The following GPC6 variants were observed in gnomAD, a reference collection of about 807,000 sequenced individuals.
GPC6 encodes glypican 6, also known as glypican-6.
Under a neutral mutation model 55.2 loss-of-function variants are expected in GPC6, and 14 were observed. The observed-to-expected ratio is 0.25, with a 90% confidence interval of 0.17 to 0.40. The LOEUF (loss-of-function observed/expected upper bound fraction) is 0.40. Ranked by LOEUF, GPC6 falls within the 10% of genes least tolerant of loss-of-function variation. The pLI, the probability that GPC6 is intolerant of heterozygous loss-of-function variation, is 1.00. For synonymous variants in GPC6, 278 were observed against 259.6 expected (o/e 1.07, Z -0.68); for missense variants, 641 against 708.5 (o/e 0.90, Z 1.08).
intron 4 of GPC6, among the ~76,000 whole-genome samples, chr13:94,109,409 A>G (rs1886163125): frequency 1.3e-5 from 2 of 151,794 alleles, no homozygotes; most frequent in Admixed American, 1.3e-4. Context: ...TCCTCACTAG[A>G]TGGTATATTT....
At chr13:94,016,781 A>G (rs1265778573) in intron 3 of GPC6, among the ~76,000 whole-genome samples, 1 of 151,596 alleles carries the variant, frequency 6.6e-6, no homozygotes, top group African/African-American at 2.4e-5. Flanking sequence ...GTAAAATTCT[A>G]TCATTTCTTA....
chr13:93,427,833 C>G (rs1877203404), intron 1 of GPC6, among the ~76,000 whole-genome samples: 1 of 152,106 alleles, frequency 6.6e-6, no homozygotes, highest in Non-Finnish European at 1.5e-5. Flanking sequence ...AGTGGAAATC[C>G]AGATCATGTT....
At chr13:93,398,237 T>G (rs9524047) in intron 1 of GPC6, among the ~76,000 whole-genome samples, 12 of 152,094 alleles carry the variant, frequency 7.9e-5, no homozygotes, top group Admixed American at 5.2e-4. Flanking sequence ...GTTCTTTTTA[T>G]GTTTAAAAAT....
chr13:93,707,421 T>C (rs973283937), intron 2 of GPC6, among the ~76,000 whole-genome samples: 1 of 151,804 alleles, frequency 6.6e-6, no homozygotes, highest in Non-Finnish European at 1.5e-5. Context: ...GTTATGGACT[T>C]AGTAGCATAT....
At chr13:93,510,624 A>G (rs1468654289) in intron 1 of GPC6, among the ~76,000 whole-genome samples, 2 of 152,018 alleles carry the variant, frequency 1.3e-5, no homozygotes, top group Non-Finnish European at 2.9e-5. Flanking sequence ...AAACATGCAA[A>G]TGCAGGTATC....
At chr13:93,225,758 C>A (rs1594038039), upstream of GPC6, among the ~76,000 whole-genome samples, 1 of 152,148 alleles carries the variant, frequency 6.6e-6, no homozygotes, top group African/African-American at 2.4e-5. Flanking sequence ...TCATTCATAT[C>A]ATCATCAGGA....
At chr13:93,254,751 C>A (rs1160383202) in intron 1 of GPC6, among the ~76,000 whole-genome samples, 2 of 151,744 alleles carry the variant, frequency 1.3e-5, no homozygotes, top group Non-Finnish European at 2.9e-5. Flanking sequence ...TGACAACAAG[C>A]AGAAAAATTC....
At chr13:93,703,629 A>G (rs991530967) in intron 2 of GPC6, among the ~76,000 whole-genome samples, 5 of 151,990 alleles carry the variant, frequency 3.3e-5, no homozygotes, top group Non-Finnish European at 7.4e-5. Context: ...AAAAGATTTT[A>G]GTCCACCCCC....
intron 1 of GPC6, among the ~76,000 whole-genome samples, chr13:93,496,435 C>G (rs1880285688): frequency 6.6e-6 from 1 of 152,212 alleles, no homozygotes. Context: ...GGAGATGAAC[C>G]CATTACCTCA....
intron 4 of GPC6, among the ~76,000 whole-genome samples, chr13:94,161,471 A>C (rs187506248): frequency 6.6e-6 from 1 of 152,214 alleles, no homozygotes; most frequent in Admixed American, 6.5e-5. Flanking sequence ...GGCCATTTAC[A>C]TGTCTTATTA....
chr13:94,378,297 A>G (rs1879993961), intron 6 of GPC6, among the ~76,000 whole-genome samples: 1 of 152,096 alleles, frequency 6.6e-6, no homozygotes, highest in Non-Finnish European at 1.5e-5. Context: ...TTTCCTGTAA[A>G]CTGATTTTTT....
rs79742522 is a variant in GPC6, at chr13:94,075,859, C to T, written c.877+47965C>T. Among the ~76,000 whole-genome samples, 1,507 of 152,116 alleles carry T rather than the reference C, an allele frequency of 9.9e-3. 16 individuals carry two copies. Among genetic ancestry groups the T allele is most frequent in the Middle Eastern group, 0.027 (8 of 292 alleles). On this transcript the variant is annotated intron_variant, in intron 4 of 8. Coordinates refer to ENST00000377047, the MANE Select transcript of GPC6 (RefSeq NM_005708.5). ...TATATACTACATCTCTTTATCTATC[C>T]ATCAGTCCATGGACATTTGGGTTGT...
chr13:94,251,235 A>G (rs1206422695), intron 4 of GPC6, among the ~76,000 whole-genome samples: 3 of 151,826 alleles, frequency 2.0e-5, no homozygotes, highest in Non-Finnish European at 2.9e-5. Context: ...GTTCTCATTC[A>G]TAAGTGGGAG....
intron 4 of GPC6, among the ~76,000 whole-genome samples, chr13:94,072,423 C>G (rs1179128516): frequency 6.6e-6 from 1 of 152,092 alleles, no homozygotes; most frequent in African/African-American, 2.4e-5. Context: ...GGCATGATCT[C>G]AACTCACTGA....
intron 4 of GPC6, among the ~76,000 whole-genome samples, chr13:94,139,461 T>C (rs1436123373): frequency 1.3e-5 from 2 of 152,160 alleles, no homozygotes; most frequent in Non-Finnish European, 2.9e-5. Context: ...TATCTCCAGA[T>C]TGGGGCTCCT....
intron 2 of GPC6, among the ~76,000 whole-genome samples, chr13:93,764,838 T>C (rs1398494754): frequency 1.3e-5 from 2 of 152,128 alleles, no homozygotes; most frequent in African/African-American, 4.8e-5. Context: ...CTTGCTCTCT[T>C]GCCCAGGCTG....
chr13:94,126,902 AT>A (rs1886838028), intron 4 of GPC6, among the ~76,000 whole-genome samples: 1 of 152,106 alleles, frequency 6.6e-6, no homozygotes, highest in South Asian at 2.1e-4. Flanking sequence ...CTAAATATCT[AT>A]TTACAGTATT....
At chr13:93,733,774 G>C (rs544170976) in intron 2 of GPC6, among the ~76,000 whole-genome samples, 8 of 152,158 alleles carry the variant, frequency 5.3e-5, no homozygotes, top group Admixed American at 2.0e-4. Context: ...ACACGAGGAC[G>C]ATGCCCTGAC....
At chr13:94,020,707 C>G (rs1177969295) in intron 3 of GPC6, among the ~76,000 whole-genome samples, 1 of 152,048 alleles carries the variant, frequency 6.6e-6, no homozygotes, top group Admixed American at 6.6e-5. Context: ...TTGCATTTCC[C>G]CAAGATAATA....
Sources: allele counts gnomAD v4.1 joint callset (sites outside exome capture counted in the v4.1 genomes callset), GRCh38; gene constraint gnomAD v4.1.1; transcripts MANE v1.5; gene names NCBI Gene and HGNC (gene_info 2026-07-23, HGNC 2026-07-21).